The following CLEC4A variants were observed in gnomAD, a reference collection of about 807,000 sequenced individuals.
CLEC4A encodes the protein C-type (calcium dependent, carbohydrate-recognition domain) lectin, superfamily member 6.
In CLEC4A, 27 loss-of-function variants were observed where a neutral mutation model predicts 32.7. That is an observed-to-expected ratio of 0.83 (90% CI 0.61 to 1.14). The LOEUF (loss-of-function observed/expected upper bound fraction) is 1.14. CLEC4A is among the 50% of genes most tolerant of loss of function. The pLI is 0.00. For missense variants in CLEC4A, 253 were observed against 274.6 expected, an observed-to-expected ratio of 0.92 and a Z score of 0.55; for synonymous variants, 89 against 93.7, an observed-to-expected ratio of 0.95 and a Z score of 0.29.
At chr12:8,106,163 G>A in the CLEC4A span, among the ~76,000 whole-genome samples, 1 of 152,080 alleles carries the variant, frequency 6.6e-6, no homozygotes, top group Non-Finnish European at 1.5e-5. Flanking sequence ...CTCATTGCTT[G>A]TTTTTGTCAA....
upstream of CLEC4A, among the ~76,000 whole-genome samples, chr12:8,122,610 G>A (rs1947843451): frequency 2.0e-5 from 3 of 152,152 alleles, no homozygotes; most frequent in East Asian, 1.9e-4. Flanking sequence ...GGAGATTGAC[G>A]ACATCCAGGA....
At chr12:8,116,391 C>T in the CLEC4A span, among the ~76,000 whole-genome samples, 2 of 152,162 alleles carry the variant, frequency 1.3e-5, no homozygotes, top group African/African-American at 4.8e-5. Flanking sequence ...CGTGAGTCAT[C>T]GTACCTGGCC....
the CLEC4A span, among the ~76,000 whole-genome samples, chr12:8,104,683 A>G: frequency 3.3e-4 from 50 of 152,248 alleles, 1 homozygote; most frequent in Middle Eastern, 6.8e-3. Flanking sequence ...CGCCTGGGTA[A>G]TAAGCATAGT....
chr12:8,134,052 C>T, intron 3 of CLEC4A: 1 of 1,595,538 alleles, frequency 6.3e-7, no homozygotes, highest in Non-Finnish European at 8.5e-7. Context: ...TTCTCCAGCC[C>T]AAGCTGCTGG....
the CLEC4A span, among the ~76,000 whole-genome samples, chr12:8,103,952 T>A: frequency 6.6e-6 from 1 of 152,332 alleles, no homozygotes; most frequent in Non-Finnish European, 1.5e-5. Flanking sequence ...ACCATGTATG[T>A]CTTCATTTTT....
At chr12:8,119,995 A>G (rs1176776292), upstream of CLEC4A, among the ~76,000 whole-genome samples, 1 of 152,274 alleles carries the variant, frequency 6.6e-6, no homozygotes, top group Non-Finnish European at 1.5e-5. Context: ...GATACAAATC[A>G]GAACCAGCCA....
the CLEC4A span, among the ~76,000 whole-genome samples, chr12:8,109,631 G>A: frequency 6.6e-6 from 1 of 152,154 alleles, no homozygotes; most frequent in Non-Finnish European, 1.5e-5. Flanking sequence ...TGGGAGAATC[G>A]CTTGAGCCCA....
intron 3 of CLEC4A, chr12:8,134,661 G>A (rs1164680543): frequency 6.3e-7 from 1 of 1,589,416 alleles, no homozygotes; most frequent in South Asian, 1.1e-5. Flanking sequence ...ATACGGCGGG[G>A]GACATGGGGG....
intron 3 of CLEC4A, among the ~76,000 whole-genome samples, chr12:8,133,278 C>T (rs925115713): frequency 2.0e-5 from 3 of 151,712 alleles, no homozygotes; most frequent in Admixed American, 6.6e-5. Context: ...CTAGAACTCC[C>T]GACCACAGGT....
the CLEC4A span, among the ~76,000 whole-genome samples, chr12:8,114,995 C>A: frequency 6.6e-6 from 1 of 152,092 alleles, no homozygotes; most frequent in Non-Finnish European, 1.5e-5. Flanking sequence ...CCTTTGAATT[C>A]TCCTACCAAT....
Position 8,129,348 on chromosome 12 carries a change from A to G in CLEC4A, c.284A>G (p.Asn95Ser), listed in dbSNP as rs1282866120. The G allele has an allele frequency of 1.9e-6, 3 of 1,606,778 alleles. No individual in the cohort carries two copies. The highest frequency in any genetic ancestry group is 3.4e-5 in the Admixed American group (2 of 59,202). The change falls in exon 3 of 6, where the codon AAT (asparagine) becomes AGT (serine). Residue 95 changes from asparagine to serine, a missense_variant. Asn to Ser is a conservative substitution (Grantham distance 46). Coordinates refer to ENST00000229332, the MANE Select transcript of CLEC4A (RefSeq NM_016184.4). ...VHTTLECVKK[N>S]MPVEETAWSC... The stretch of plus-strand genomic sequence containing the variant: ...ACAACATTGGAGTGTGTGAAAAAAA[A>G]TATGCCCGTGGAAGGTAAAAATTAA...
chr12:8,134,118 C>A, intron 3 of CLEC4A: 4 of 1,598,780 alleles, frequency 2.5e-6, no homozygotes, highest in Non-Finnish European at 3.4e-6. Flanking sequence ...AACAAATTCT[C>A]CAGGTTGCCT....
chr12:8,114,611 T>G, the CLEC4A span, among the ~76,000 whole-genome samples: 11 of 152,196 alleles, frequency 7.2e-5, no homozygotes, highest in African/African-American at 2.2e-4. Flanking sequence ...AATTTTTCTT[T>G]TTTCACCCAA....
intron 3 of CLEC4A, among the ~76,000 whole-genome samples, chr12:8,132,553 C>G (rs1368761562): frequency 6.6e-6 from 1 of 152,088 alleles, no homozygotes; most frequent in Non-Finnish European, 1.5e-5. Context: ...TATTTAATGT[C>G]CCGAGATATG....
chr12:8,115,059 T>C, the CLEC4A span, among the ~76,000 whole-genome samples: 1 of 152,180 alleles, frequency 6.6e-6, no homozygotes, highest in Admixed American at 6.5e-5. Context: ...CAAAGAGGGT[T>C]CAAGCACCGC....
the CLEC4A span, among the ~76,000 whole-genome samples, chr12:8,115,824 T>C: frequency 6.6e-6 from 1 of 152,138 alleles, no homozygotes; most frequent in Non-Finnish European, 1.5e-5. Flanking sequence ...AGTCTTGCCC[T>C]GTTGTCCAGG....
chr12:8,118,457 A>G, the CLEC4A span, among the ~76,000 whole-genome samples: 6 of 152,058 alleles, frequency 3.9e-5, no homozygotes, highest in Non-Finnish European at 7.4e-5. Flanking sequence ...ATTGGCTTAC[A>G]GTTCTGCAGG....
chr12:8,138,077 T>A, intron 5 of CLEC4A, 63 bp from the exon 6 acceptor site: 1 of 1,530,434 alleles, frequency 6.5e-7, no homozygotes, highest in Non-Finnish European at 8.8e-7. Context: ...TCCTCACCCC[T>A]GTCTCTAACC....
chr12:8,134,172 G>T (rs1591610983), intron 3 of CLEC4A: 2 of 1,609,070 alleles, frequency 1.2e-6, no homozygotes, highest in Admixed American at 3.4e-5. Flanking sequence ...TTTCGGGCCT[G>T]CACGAGGGTT....
Sources: gnomAD v4.1 joint callset for allele counts (sites outside exome capture counted in the v4.1 genomes callset) on GRCh38, gnomAD v4.1.1 for gene constraint, MANE v1.5 for transcripts, NCBI Gene and HGNC (gene_info 2026-07-23, HGNC 2026-07-21) for gene names.